Variants in SMAD1 observed in about 807,000 individuals in gnomAD.
SMAD1 encodes the protein MAD, mothers against decapentaplegic homolog 1.
SMAD1 carries 6 observed loss-of-function variants against 41.6 expected under a neutral mutation model. That is an observed-to-expected ratio of 0.14 (90% confidence interval 0.08 to 0.28). The LOEUF is 0.28. Ranked by LOEUF, SMAD1 falls within the 10% of genes least tolerant of loss-of-function variation. The pLI, the probability that SMAD1 is intolerant of heterozygous loss-of-function variation, is 1.00. For synonymous variants in SMAD1, 206 were observed against 203.2 expected, an observed-to-expected ratio of 1.01 and a Z score of -0.12; for missense variants, 379 against 582.6, an observed-to-expected ratio of 0.65 and a Z score of 3.60.
At chr4:145,515,165 T>C (rs1730308514) in intron 2 of SMAD1, 152 bp downstream of exon 2, 1 of 728,832 alleles carries the variant, frequency 1.4e-6, no homozygotes, top group Non-Finnish European at 2.2e-6. Flanking sequence ...TGTGTGTGTG[T>C]GTGTGTGTGT....
chr4:145,493,180 T>C (rs929844833), intron 1 of SMAD1, among the ~76,000 whole-genome samples: 1 of 152,218 alleles, frequency 6.6e-6, no homozygotes, highest in Non-Finnish European at 1.5e-5. Context: ...TGATATGCAT[T>C]GGTGAGACTT....
chr4:145,485,517 C>T (rs1170705945), intron 1 of SMAD1, among the ~76,000 whole-genome samples: 1 of 152,232 alleles, frequency 6.6e-6, no homozygotes, highest in African/African-American at 2.4e-5. Context: ...TCCATCATCA[C>T]AGGAGGTTCT....
At chr4:145,490,271 A>G (rs537841279) in intron 1 of SMAD1, among the ~76,000 whole-genome samples, 4 of 152,306 alleles carry the variant, frequency 2.6e-5, no homozygotes, top group South Asian at 2.1e-4. Flanking sequence ...TGTCTGAGAA[A>G]GAAACAGAAT....
rs141866939 is a variant in SMAD1 at position 145,546,905 on chromosome 4, C to T, written c.978C>T (p.Thr326=). 6.2e-6 allele frequency: 10 copies of T among 1,613,856 alleles called. No individual in the cohort carries two copies. Among genetic ancestry groups the T allele is most frequent in the African/African-American group, 1.3e-5 (1 of 74,918 alleles). Residue 326 remains threonine (T), a synonymous_variant, in exon 5 of 7, where the codon ACC becomes ACT. Coordinates refer to ENST00000302085, the MANE Select transcript of SMAD1 (RefSeq NM_005900.3). The stretch of plus-strand genomic sequence containing the variant: ...ACCGGAATTCCACTATTGAAAACAC[C>T]AGGCGGCATATTGGAAAAGGTGAGT... ...NVNRNSTIEN[T]RRHIGKGVHL...
At chr4:145,492,730 CT>C (rs1402001327) in intron 1 of SMAD1, among the ~76,000 whole-genome samples, 1 of 152,214 alleles carries the variant, frequency 6.6e-6, no homozygotes, top group Non-Finnish European at 1.5e-5. Flanking sequence ...CATCCTAAAG[CT>C]AGTTAGGGGC....
At chr4:145,513,089 A>T (rs1372265669) in intron 1 of SMAD1, among the ~76,000 whole-genome samples, 1 of 152,224 alleles carries the variant, frequency 6.6e-6, no homozygotes, top group Non-Finnish European at 1.5e-5. Context: ...CTATGAGGCT[A>T]CTAGAAGCTC....
At chr4:145,532,609 AT>A (rs774519873) in intron 2 of SMAD1, among the ~76,000 whole-genome samples, 1 of 152,236 alleles carries the variant, frequency 6.6e-6, no homozygotes, top group Non-Finnish European at 1.5e-5. Flanking sequence ...GCAGATTCTT[AT>A]TCAAATTAAC....
chr4:145,522,112 C>T (rs557161983), intron 2 of SMAD1, among the ~76,000 whole-genome samples: 5 of 150,164 alleles, frequency 3.3e-5, no homozygotes, highest in South Asian at 2.1e-4. Flanking sequence ...CTGGCTAACA[C>T]GGTGAAACCC....
intron 5 of SMAD1, among the ~76,000 whole-genome samples, chr4:145,552,756 G>A (rs1732619843): frequency 6.6e-6 from 1 of 151,894 alleles, no homozygotes; most frequent in African/African-American, 2.4e-5. Context: ...CATCTTAGCT[G>A]TACAATAAAT....
chr4:145,486,740 T>G (rs1728496894), intron 1 of SMAD1, among the ~76,000 whole-genome samples: 2 of 152,238 alleles, frequency 1.3e-5, no homozygotes, highest in Non-Finnish European at 2.9e-5. Context: ...AAAGTTGCTT[T>G]AAAGATTTTC....
intron 1 of SMAD1, among the ~76,000 whole-genome samples, chr4:145,503,458 T>G (rs915876974): frequency 6.6e-6 from 1 of 152,226 alleles, no homozygotes. Flanking sequence ...TTATCCATTT[T>G]CATTTTTCTT....
At chr4:145,487,384 G>A (rs892416133) in intron 1 of SMAD1, among the ~76,000 whole-genome samples, 2 of 152,142 alleles carry the variant, frequency 1.3e-5, no homozygotes, top group Admixed American at 6.5e-5. Flanking sequence ...TTAAGTCATA[G>A]CATGTCTTTG....
intron 2 of SMAD1, among the ~76,000 whole-genome samples, chr4:145,535,817 A>G (rs1157474287): frequency 3.9e-5 from 6 of 152,020 alleles, no homozygotes. Flanking sequence ...AGAGAGGGGA[A>G]CTCCTAAAAC....
At chr4:145,544,627 T>C (rs1042245954) in intron 4 of SMAD1, 6 of 152,090 alleles carry the variant, frequency 3.9e-5, no homozygotes, top group African/African-American at 1.4e-4. Context: ...TCAAAGGACC[T>C]TTCTTGGATG....
At chr4:145,519,698 T>C (rs995661074) in intron 2 of SMAD1, among the ~76,000 whole-genome samples, 1 of 151,070 alleles carries the variant, frequency 6.6e-6, no homozygotes, top group African/African-American at 2.4e-5. Context: ...AAATATACAA[T>C]GTATTATTAA....
intron 1 of SMAD1, among the ~76,000 whole-genome samples, chr4:145,484,963 A>C (rs983913468): frequency 6.6e-6 from 1 of 152,260 alleles, no homozygotes; most frequent in African/African-American, 2.4e-5. Flanking sequence ...GTTCAGGAAA[A>C]GAAGATCCTT....
At chr4:145,542,871 A>C (rs1732031239) in intron 4 of SMAD1, among the ~76,000 whole-genome samples, 173 bp downstream of exon 4, 1 of 152,238 alleles carries the variant, frequency 6.6e-6, no homozygotes, top group South Asian at 2.1e-4. Flanking sequence ...CTTTAATTTA[A>C]AGAACAAATA....
chr4:145,532,047 A>C (rs1025692438), intron 2 of SMAD1, among the ~76,000 whole-genome samples: 1 of 152,176 alleles, frequency 6.6e-6, no homozygotes, highest in Non-Finnish European at 1.5e-5. Context: ...TCACATCTAG[A>C]GTTTACAGGA....
At chr4:145,491,511 G>A (rs1728763930) in intron 1 of SMAD1, among the ~76,000 whole-genome samples, 1 of 152,150 alleles carries the variant, frequency 6.6e-6, no homozygotes, top group Admixed American at 6.5e-5. Flanking sequence ...GATTGAAATG[G>A]GGATGATGTC....
Sources: allele counts gnomAD v4.1 joint callset (sites outside exome capture counted in the v4.1 genomes callset), GRCh38; gene constraint gnomAD v4.1.1; transcripts MANE v1.5; gene names NCBI Gene and HGNC (gene_info 2026-07-23, HGNC 2026-07-21).